Variants in NRXN3 observed in about 807,000 individuals in gnomAD.
NRXN3 encodes the protein neurexin 3, also known as neurexin III.
NRXN3 carries 32 observed loss-of-function variants against 137.6 expected under a neutral mutation model. That is an observed-to-expected ratio of 0.23 (90% CI 0.18 to 0.31). NRXN3 has a LOEUF of 0.31. NRXN3 is among the 10% of genes least tolerant of loss of function. The pLI is 1.00. For missense variants in NRXN3, 1,574 were observed against 2,062.5 expected, an observed-to-expected ratio of 0.76 and a Z score of 4.59; for synonymous variants, 798 against 784.5, an observed-to-expected ratio of 1.02 and a Z score of -0.29.
At chr14:79,695,148 G>C (rs1025734119) in intron 18 of NRXN3, among the ~76,000 whole-genome samples, 9 of 151,882 alleles carry the variant, frequency 5.9e-5, no homozygotes, top group African/African-American at 2.2e-4. Flanking sequence ...TTTGTGGAGT[G>C]AATGATGGCA....
At chr14:78,640,371 T>C (rs1479044199) in intron 4 of NRXN3, among the ~76,000 whole-genome samples, 8 of 152,194 alleles carry the variant, frequency 5.3e-5, no homozygotes, top group Admixed American at 3.3e-4. Flanking sequence ...CCCCATAACT[T>C]ATAGAAGTTC....
chr14:78,814,559 G>T (rs981083975), intron 10 of NRXN3, among the ~76,000 whole-genome samples: 6 of 152,306 alleles, frequency 3.9e-5, no homozygotes, highest in Admixed American at 2.0e-4. Flanking sequence ...AGGTTGCAGT[G>T]TGCTGAGATT....
intron 6 of NRXN3, among the ~76,000 whole-genome samples, chr14:78,702,183 T>A (rs1049596999): frequency 1.3e-4 from 20 of 152,160 alleles, no homozygotes; most frequent in Admixed American, 6.5e-5. Flanking sequence ...AATATGAATC[T>A]AAATCTGAGC....
At chr14:79,735,556 G>T (rs149877400) in intron 19 of NRXN3, among the ~76,000 whole-genome samples, 2,724 of 152,238 alleles carry the variant, frequency 0.018, 53 homozygotes, top group Non-Finnish European at 0.026. Context: ...TTTACATATT[G>T]CCTGGAGGTA....
intron 4 of NRXN3, among the ~76,000 whole-genome samples, chr14:78,315,581 A>T (rs1197498933): frequency 1.3e-5 from 2 of 152,210 alleles, no homozygotes; most frequent in Non-Finnish European, 2.9e-5. Flanking sequence ...ATGTATACCA[A>T]ATCTATTTGT....
intron 15 of NRXN3, among the ~76,000 whole-genome samples, chr14:79,150,544 C>T (rs1340231299): frequency 6.6e-6 from 1 of 151,906 alleles, no homozygotes; most frequent in Non-Finnish European, 1.5e-5. Flanking sequence ...ACCCAAGCCA[C>T]CCCTTCACAC....
intron 10 of NRXN3, among the ~76,000 whole-genome samples, chr14:78,931,135 A>T (rs118044156): frequency 0.056 from 8,537 of 151,772 alleles, 353 homozygotes; most frequent in Admixed American, 0.083. Context: ...CACAACATGA[A>T]TTTTTTTTTC....
intron 4 of NRXN3, among the ~76,000 whole-genome samples, chr14:78,563,438 A>T (rs2096805970): frequency 6.6e-6 from 1 of 152,196 alleles, no homozygotes; most frequent in Non-Finnish European, 1.5e-5. Flanking sequence ...TTGGTTGGCA[A>T]GTTGTCCTTA....
At chr14:79,731,193 C>T (rs1452852038) in intron 19 of NRXN3, among the ~76,000 whole-genome samples, 1 of 152,204 alleles carries the variant, frequency 6.6e-6, no homozygotes, top group East Asian at 1.9e-4. Context: ...TGTTCTGCTT[C>T]TGCCTGATTT....
chr14:79,365,725 C>CAAAAAAAAAAAAAAAAAAAAAAAAAA (rs569855024), intron 15 of NRXN3, among the ~76,000 whole-genome samples: 1 of 42,408 alleles, frequency 2.4e-5, no homozygotes, highest in Non-Finnish European at 4.2e-5. Flanking sequence ...GACTCTGTCT[C>CAAAAAAAAAAAAAAAAAAAAAAAAAA]AAAAAAAAAA....
chr14:79,827,462 TAAGG>T (rs2141171922), intron 20 of NRXN3, among the ~76,000 whole-genome samples: 1 of 152,184 alleles, frequency 6.6e-6, no homozygotes, highest in South Asian at 2.1e-4. Flanking sequence ...AAGTATAAAA[TAAGG>T]AAGTGTGTTA....
intron 4 of NRXN3, among the ~76,000 whole-genome samples, chr14:78,451,269 A>G (rs2094545115): frequency 6.6e-6 from 1 of 152,212 alleles, no homozygotes; most frequent in Non-Finnish European, 1.5e-5. Context: ...GCTTACATCT[A>G]TGACCTCCTG....
intron 3 of NRXN3, chr14:78,283,144 G>T (rs933731330): frequency 6.6e-6 from 1 of 152,266 alleles, no homozygotes; most frequent in Non-Finnish European, 1.5e-5. Context: ...GGAGGAAGAA[G>T]AAGAACGAGA....
intron 15 of NRXN3, among the ~76,000 whole-genome samples, chr14:79,218,536 G>A (rs1429315275): frequency 6.6e-6 from 1 of 152,124 alleles, no homozygotes; most frequent in African/African-American, 2.4e-5. Flanking sequence ...AGTTAAAGAA[G>A]AGATGACAAT....
At chr14:78,998,633 C>T (rs949698288) in intron 15 of NRXN3, among the ~76,000 whole-genome samples, 1 of 148,170 alleles carries the variant, frequency 6.7e-6, no homozygotes, top group African/African-American at 2.5e-5. Flanking sequence ...GAATCTTGCT[C>T]TGTCACCCAG....
intron 10 of NRXN3, among the ~76,000 whole-genome samples, 181 bp from the exon 11 acceptor site, chr14:78,957,061 T>C (rs1202425316): frequency 1.3e-5 from 2 of 152,214 alleles, no homozygotes; most frequent in African/African-American, 4.8e-5. Context: ...AATTGAGACT[T>C]TTGCATTTGG....
At chr14:78,222,321 C>T (rs1204118585) in intron 1 of NRXN3, among the ~76,000 whole-genome samples, 24 of 145,802 alleles carry the variant, frequency 1.6e-4, no homozygotes, top group Admixed American at 1.6e-3. Flanking sequence ...ATAAAGGGCA[C>T]ACACACACAC....
At chr14:79,289,112 A>T (rs984866120) in intron 15 of NRXN3, among the ~76,000 whole-genome samples, 2 of 152,184 alleles carry the variant, frequency 1.3e-5, no homozygotes, top group Admixed American at 6.5e-5. Flanking sequence ...CTCAACTAAG[A>T]GCATCCAGTT....
intron 4 of NRXN3, among the ~76,000 whole-genome samples, chr14:78,617,107 CA>C: frequency 6.6e-6 from 1 of 152,258 alleles, no homozygotes. Flanking sequence ...GGTTAAAAAA[CA>C]AAAGCCCTGA....
Sources: gnomAD v4.1 joint callset for allele counts (sites outside exome capture counted in the v4.1 genomes callset) on GRCh38, gnomAD v4.1.1 for gene constraint, MANE v1.5 for transcripts, NCBI Gene and HGNC (gene_info 2026-07-23, HGNC 2026-07-21) for gene names.